Variants in GOLGA1 observed in about 807,000 individuals in gnomAD.
GOLGA1 encodes golgin subfamily A member 1.
In GOLGA1, 63 loss-of-function variants were observed where a neutral mutation model predicts 119.7. That is an observed-to-expected ratio of 0.53 (90% CI 0.43 to 0.65). The LOEUF is 0.65. GOLGA1 is among the 30% of genes least tolerant of loss of function. The probability of loss-of-function intolerance (pLI) is 0.00; values close to 1 mark genes in which losing one functional copy is unlikely to be tolerated. For synonymous variants in GOLGA1, 318 were observed against 333.4 expected, an observed-to-expected ratio of 0.95 and a Z score of 0.50; for missense variants, 798 against 912.8, an observed-to-expected ratio of 0.87 and a Z score of 1.62.
At chr9:124,886,711 G>A (rs1358014865) in intron 19 of GOLGA1, among the ~76,000 whole-genome samples, 1 of 152,122 alleles carries the variant, frequency 6.6e-6, no homozygotes. Context: ...GAAGGGGGAG[G>A]CGGCTGGCGT....
At chr9:124,939,451 CTATTA>C (rs772776618) in intron 2 of GOLGA1, among the ~76,000 whole-genome samples, 3 of 150,784 alleles carry the variant, frequency 2.0e-5, no homozygotes, top group Non-Finnish European at 4.4e-5. Context: ...CCAGACAACT[CTATTA>C]TATAAGTATC....
chr9:124,897,858 G>A (rs1173134208), intron 15 of GOLGA1, among the ~76,000 whole-genome samples: 3 of 152,200 alleles, frequency 2.0e-5, no homozygotes, highest in African/African-American at 7.2e-5. Flanking sequence ...AGAGAAGACT[G>A]CTGCCAAGGG....
At chr9:124,906,665 T>C (rs1022009258) in intron 12 of GOLGA1, among the ~76,000 whole-genome samples, 2 of 151,890 alleles carry the variant, frequency 1.3e-5, no homozygotes, top group African/African-American at 4.8e-5. Context: ...AGCAGGAGAA[T>C]CGCTTGAACC....
intron 19 of GOLGA1, chr9:124,887,398 A>G (rs1829748240): frequency 6.6e-6 from 1 of 152,138 alleles, no homozygotes. Context: ...CCTGATTCGC[A>G]TCGGGGTGGT....
chr9:124,894,602 G>A (rs1829923056), intron 15 of GOLGA1, among the ~76,000 whole-genome samples: 2 of 152,090 alleles, frequency 1.3e-5, no homozygotes, highest in South Asian at 4.2e-4. Context: ...AGATATGCCT[G>A]TTGGGTAGGC....
upstream of GOLGA1, chr9:124,942,620 A>C (rs530307660): frequency 4.6e-5 from 7 of 152,210 alleles, no homozygotes; most frequent in South Asian, 1.4e-3. Context: ...TAAGCAAATA[A>C]TGTTTATTTT....
In GOLGA1 at chr9:124,889,208, G is replaced by T; in HGVS notation, c.1696C>A (p.Gln566Lys). The T allele has an allele frequency of 6.2e-7, 1 of 1,613,116 alleles. No homozygotes were observed. Among genetic ancestry groups the T allele is most frequent in the East Asian group, 2.2e-5 (1 of 44,884 alleles). The part of the protein sequence containing the change: ...KAEEAAVVAE[Q>K]EDLLRLRGPL... ...CCCCGCAGCCTCAGCAGGTCCTCCT[G>T]CTCCGCGACCACTGCAGCCTCCTCC... Residue 566 changes from glutamine (Q) to lysine (K), a missense_variant, in exon 18 of 23, where the codon CAG becomes AAG. Coordinates refer to ENST00000373555, the MANE Select transcript of GOLGA1 (RefSeq NM_002077.4).
chr9:124,882,608 A>T, intron 19 of GOLGA1, 39 bp from the exon 20 acceptor site: 1 of 1,536,920 alleles, frequency 6.5e-7, no homozygotes, highest in Non-Finnish European at 9.0e-7. Flanking sequence ...CAATCGTTAG[A>T]TGCATGTTTC....
chr9:124,919,214 C>T (rs1318579144), intron 10 of GOLGA1, among the ~76,000 whole-genome samples: 1 of 151,840 alleles, frequency 6.6e-6, no homozygotes, highest in Non-Finnish European at 1.5e-5. Context: ...CCGTTGACGT[C>T]ACTGCACTCC....
At chr9:124,929,400 C>A in intron 4 of GOLGA1, 110 bp from the exon 5 acceptor site, 1 of 741,688 alleles carries the variant, frequency 1.3e-6, no homozygotes, top group Non-Finnish European at 2.4e-6. Context: ...AACCTGAAAA[C>A]CATTCCTGTT....
At chr9:124,919,711 A>C (rs1216852229) in intron 10 of GOLGA1, among the ~76,000 whole-genome samples, 1 of 152,096 alleles carries the variant, frequency 6.6e-6, no homozygotes, top group East Asian at 1.9e-4. Context: ...AGCAATTCTG[A>C]AAGATGAGGG....
At chr9:124,887,994 C>T (rs973030598) in intron 19 of GOLGA1, among the ~76,000 whole-genome samples, 4 of 152,168 alleles carry the variant, frequency 2.6e-5, no homozygotes, top group African/African-American at 9.7e-5. Flanking sequence ...TGGCAGGGAA[C>T]ATGCAGGCTT....
chr9:124,896,772 TCTCTACAAAAGAAAAA>T (rs1284699521), intron 15 of GOLGA1, among the ~76,000 whole-genome samples: 5 of 152,174 alleles, frequency 3.3e-5, no homozygotes, highest in Non-Finnish European at 7.3e-5. Flanking sequence ...CAAGACCCTG[TCTCTACAAAAGAAAAA>T]TTAATAAATT....
chr9:124,942,602 A>G (rs973698992), upstream of GOLGA1: 2 of 152,238 alleles, frequency 1.3e-5, no homozygotes, highest in African/African-American at 4.8e-5. Context: ...AAAAAGTACC[A>G]AAAACTTTAA....
chr9:124,895,624 G>GGAGCCTCCACGACAGA (rs1358708452), intron 15 of GOLGA1, among the ~76,000 whole-genome samples: 1 of 127,002 alleles, frequency 7.9e-6, no homozygotes, highest in African/African-American at 3.1e-5. Flanking sequence ...TCCACGACAG[G>GGAGCCTCCACGACAGA]GAGCCTCCAC....
chr9:124,916,959 C>T (rs920105217), intron 10 of GOLGA1, among the ~76,000 whole-genome samples: 10 of 143,188 alleles, frequency 7.0e-5, no homozygotes, highest in African/African-American at 2.6e-4. Context: ...TATGTCCCTA[C>T]TATATTACTA....
At chr9:124,900,335 A>G in intron 13 of GOLGA1, 117 bp downstream of exon 13, 1 of 628,228 alleles carries the variant, frequency 1.6e-6, no homozygotes, top group Non-Finnish European at 2.9e-6. Flanking sequence ...CAAGAACTGT[A>G]TCTATGGGCA....
intron 15 of GOLGA1, among the ~76,000 whole-genome samples, chr9:124,896,505 A>G (rs1331081546): frequency 6.6e-6 from 1 of 152,214 alleles, no homozygotes; most frequent in Non-Finnish European, 1.5e-5. Flanking sequence ...CTAATGTGCT[A>G]GTCACTTCTG....
Position 124,880,564 on chromosome 9 carries a change from G to C in GOLGA1, c.2270C>G (p.Pro757Arg). The change falls in exon 23 of 23, where the codon CCG (proline) becomes CGG (arginine). Residue 757 changes from proline to arginine, a missense_variant. Transcript: ENST00000373555. ...SKPAPKGSIR[P>R]SISNPRIPWS is the part of the protein sequence containing the mutation. ...TGGTATCCGAGGGTTTGAGATAGAC[G>C]GCCGGATGCTGCCCTTGGGAGCTGG... is the stretch of plus-strand genomic sequence containing the variant. 1 of 1,610,278 alleles carries C rather than the reference G, an allele frequency of 6.2e-7. No individual in the cohort carries two copies. The highest frequency in any genetic ancestry group is 8.5e-7 in the Non-Finnish European group (1 of 1,176,654).
Sources: allele counts gnomAD v4.1 joint callset (sites outside exome capture counted in the v4.1 genomes callset), GRCh38; gene constraint gnomAD v4.1.1; transcripts MANE v1.5; gene names NCBI Gene and HGNC (gene_info 2026-07-23, HGNC 2026-07-21).